Variants in EML5 observed in about 807,000 individuals in gnomAD.
EML5 encodes EMAP like 5.
A neutral mutation model predicts 250.0 loss-of-function variants in EML5; 120 were observed. That is an observed-to-expected ratio of 0.48 (90% CI 0.41 to 0.56). The LOEUF (loss-of-function observed/expected upper bound fraction) is 0.56. EML5 is among the 20% of genes least tolerant of loss of function. The pLI is 0.00. For missense variants in EML5, 2,006 were observed against 2,437.6 expected, an observed-to-expected ratio of 0.82 and a Z score of 3.73; for synonymous variants, 771 against 806.5, an observed-to-expected ratio of 0.96 and a Z score of 0.75.
Position 88,763,247 on chromosome 14 carries a change from T to C in EML5, c.198-8576A>G, listed in dbSNP as rs142149691. ...TTTTTTGAAAAGATAACAAAATAGA[T>C]AGACAGCTAGCAAGACTAATAAAGA... is the stretch of plus-strand genomic sequence containing the variant. On this transcript the variant is annotated intron_variant, in intron 1 of 43. Coordinates refer to ENST00000554922, the MANE Select transcript of EML5 (RefSeq NM_183387.3). Among the ~76,000 whole-genome samples the C allele has an allele frequency of 8.8e-3, 1,332 of 151,354 alleles. 13 individuals are homozygous for C. The highest frequency in any genetic ancestry group is 0.031 in the African/African-American group (1,267 of 41,180).
intron 8 of EML5, among the ~76,000 whole-genome samples, chr14:88,723,167 C>A (rs1317814818): frequency 6.6e-6 from 1 of 152,152 alleles, no homozygotes; most frequent in Non-Finnish European, 1.5e-5. Flanking sequence ...AATCCCAGCA[C>A]TTTCAGCAGC....
intron 1 of EML5, among the ~76,000 whole-genome samples, chr14:88,782,202 T>C (rs1485353028): frequency 6.6e-6 from 1 of 152,158 alleles, no homozygotes. Flanking sequence ...GGAGTAAAGA[T>C]CAATCTTACT....
In EML5 at chr14:88,623,968, T is replaced by C. The variant is rs571929461; in HGVS notation, c.4898+1002A>G. The C allele has an allele frequency of 2.6e-5, 4 of 152,382 alleles. No homozygotes were observed. In the South Asian group the frequency reaches 6.2e-4, roughly 24 times the overall value. 9.4% of individuals were successfully genotyped at this position (152,382 alleles called of 1,614,324 possible). ...AGCATGCCTATGTGCATTCTTCCTTTATGTAAAAGGCACAAATTCTGCGCT... is the reference window on the plus strand; with the variant it reads ...AGCATGCCTATGTGCATTCTTCCTTCATGTAAAAGGCACAAATTCTGCGCT... On this transcript the variant is annotated intron_variant, in intron 36 of 43. Transcript: ENST00000554922.
chr14:88,762,583 G>A (rs1034052615), intron 1 of EML5, among the ~76,000 whole-genome samples: 4 of 152,160 alleles, frequency 2.6e-5, no homozygotes, highest in Admixed American at 6.5e-5. Context: ...TTAATACCCC[G>A]CTGTCAATAT....
chr14:88,658,448 A>G (rs1353536912), intron 25 of EML5, 60 bp from the exon 26 acceptor site: 1 of 1,330,580 alleles, frequency 7.5e-7, no homozygotes, highest in Non-Finnish European at 1.0e-6. Context: ...AAATATTTCC[A>G]TTATGATTTT....
chr14:88,621,044 G>T, intron 38 of EML5, 69 bp downstream of exon 38: 1 of 1,505,770 alleles, frequency 6.6e-7, no homozygotes, highest in Non-Finnish European at 8.9e-7. Context: ...TTAAGTACTA[G>T]CAATTTAGAA....
At chr14:88,699,183 T>C (rs1416484130) in intron 14 of EML5, among the ~76,000 whole-genome samples, 1 of 151,990 alleles carries the variant, frequency 6.6e-6, no homozygotes, top group Non-Finnish European at 1.5e-5. Flanking sequence ...TAGATAAAGT[T>C]GGAAGGTTGA....
intron 18 of EML5, 49 bp downstream of exon 18, chr14:88,688,222 C>T: frequency 6.3e-7 from 1 of 1,594,290 alleles, no homozygotes; most frequent in Non-Finnish European, 8.6e-7. Context: ...AAATGCTCTA[C>T]ACTCCAGGAC....
At chr14:88,784,791 C>CA (rs1314259346) in intron 1 of EML5, among the ~76,000 whole-genome samples, 2 of 152,020 alleles carry the variant, frequency 1.3e-5, no homozygotes, top group African/African-American at 4.8e-5. Flanking sequence ...GGAGGTTCCT[C>CA]AAAAAACTAA....
intron 7 of EML5, among the ~76,000 whole-genome samples, chr14:88,728,708 A>G (rs2093705778): frequency 6.6e-6 from 1 of 152,160 alleles, no homozygotes; most frequent in African/African-American, 2.4e-5. Context: ...CATGCAGTTC[A>G]AACCTGTGTT....
At chr14:88,760,545 C>G (rs2094224964) in intron 1 of EML5, among the ~76,000 whole-genome samples, 2 of 152,098 alleles carry the variant, frequency 1.3e-5, no homozygotes. Context: ...TCACCAATAC[C>G]ACACTGCCTT....
chr14:88,773,368 A>G (rs1215176471), intron 1 of EML5, among the ~76,000 whole-genome samples: 1 of 152,250 alleles, frequency 6.6e-6, no homozygotes, highest in African/African-American at 2.4e-5. Context: ...CTTGGTAATA[A>G]ATCTCCAAAC....
At position 88,622,655 on chromosome 14, in the gene EML5, C is replaced by G. The variant is rs1459386697; in HGVS notation, c.4962G>C (p.Arg1654Ser). Reference sequence around the variant, plus strand: ...AATCTGTGGCTTGTCCTGTCTCAAGCCTGAAGGCACGGCACCGCCTCAGTT... The same window carrying G: ...AATCTGTGGCTTGTCCTGTCTCAAGGCTGAAGGCACGGCACCGCCTCAGTT... ...DQELRRCRAF[R>S]LETGQATDCV... is the part of the protein sequence containing the mutation. Residue 1654 changes from arginine to serine, a missense_variant, in exon 37 of 44, where the codon AGG becomes AGC. Arg to Ser is a moderately radical substitution (Grantham distance 110). This residue lies in a region of EML5 where 405 missense variants were observed against 523.3 expected (regional missense o/e 0.77). Coordinates refer to ENST00000554922, the MANE Select transcript of EML5 (RefSeq NM_183387.3). 6.2e-7 allele frequency: 1 copy of G among 1,611,700 alleles called. No individual in the cohort carries two copies. Among genetic ancestry groups the G allele is most frequent in the Non-Finnish European group, 8.5e-7 (1 of 1,178,840 alleles).
At chr14:88,714,580 G>C (rs1443475575) in intron 9 of EML5, among the ~76,000 whole-genome samples, 1 of 152,104 alleles carries the variant, frequency 6.6e-6, no homozygotes, top group Non-Finnish European at 1.5e-5. Context: ...TGGTAACTGT[G>C]AAGTGGCAGA....
chr14:88,791,655 T>C (rs927581698), intron 1 of EML5, among the ~76,000 whole-genome samples: 4 of 152,204 alleles, frequency 2.6e-5, no homozygotes, highest in African/African-American at 7.2e-5. Flanking sequence ...TTAATGAAGA[T>C]GAAGAGAACT....
chr14:88,708,983 T>A lies in EML5; in HGVS notation c.1658-2557A>T, dbSNP rs1047259711. ...AAAATTCTTGGTAAGGATAAAGAAA[T>A]ATACTAAAATATTTGTGTTTCAATG... is the stretch of plus-strand genomic sequence containing the variant. On this transcript the variant is annotated intron_variant, in intron 10 of 43. Transcript: ENST00000554922. Among the ~76,000 whole-genome samples, 7 of 152,092 alleles carry A rather than the reference T, an allele frequency of 4.6e-5. No homozygotes were observed. In the East Asian group the frequency reaches 1.2e-3, roughly 25 times the overall value.
chr14:88,645,174 C>T (rs1044776066), intron 29 of EML5, among the ~76,000 whole-genome samples: 2 of 151,768 alleles, frequency 1.3e-5, no homozygotes, highest in African/African-American at 4.8e-5. Flanking sequence ...AACAAGCGTG[C>T]ACCACCACAC....
In EML5 at chr14:88,620,740, A is replaced by G. The variant is rs761730056; in HGVS notation, c.5375+14T>C. ...AAGTATATACTAGAAACTCTATTCC[A>G]TTTGTTCACTAACCTGATATCATGG... is the stretch of plus-strand genomic sequence containing the variant. On this transcript the variant is annotated intron_variant, in intron 39 of 43. Coordinates refer to ENST00000554922, the MANE Select transcript of EML5 (RefSeq NM_183387.3). This position sits in a 1 kb window ranked among gnomAD's most constrained non-coding sequence, Gnocchi z 4.3. The G allele has an allele frequency of 2.6e-6, 4 of 1,560,740 alleles. No homozygotes were observed. The East Asian group carries it at 9.1e-5, about 36-fold the overall frequency.
chr14:88,744,512 T>G (rs1465979556), intron 3 of EML5, among the ~76,000 whole-genome samples: 1 of 152,032 alleles, frequency 6.6e-6, no homozygotes, highest in Non-Finnish European at 1.5e-5. Context: ...CACTCAGAAC[T>G]GTTTACATAA....
Sources: allele counts gnomAD v4.1 joint callset (sites outside exome capture counted in the v4.1 genomes callset), GRCh38; gene constraint gnomAD v4.1.1; regional missense constraint gnomAD v4.1.1; non-coding constraint Gnocchi (gnomAD v3.1); transcripts MANE v1.5; gene names NCBI Gene and HGNC (gene_info 2026-07-23, HGNC 2026-07-21).